Variants in ZNF827 observed in about 807,000 individuals in gnomAD.
ZNF827 encodes the protein zinc finger protein 827.
Under a neutral mutation model 102.4 loss-of-function variants are expected in ZNF827, and 13 were observed. The observed-to-expected ratio is 0.13, with a 90% CI of 0.08 to 0.20. The LOEUF (loss-of-function observed/expected upper bound fraction) is 0.20, where lower values mean the gene tolerates loss of function less well. Among genes scored for constraint, ZNF827 ranks in the 10% least tolerant of loss-of-function variants. The pLI is 1.00. For missense variants in ZNF827, 1,103 were observed against 1,344.4 expected (o/e 0.82, Z 2.81); for synonymous variants, 523 against 536.2 (o/e 0.98, Z 0.34).
Position 145,864,304 on chromosome 4 carries a change from C to G in ZNF827, c.1981+5941G>C, listed in dbSNP as rs147858363. ...TCTGGCCAGGCATAGTAGCTCACAC[C>G]TGTAATCCCAGTACTTTGTGAGTAG... is the stretch of plus-strand genomic sequence containing the variant. On this transcript the variant is annotated intron_variant, in intron 5 of 14. Coordinates refer to ENST00000508784, the MANE Select transcript of ZNF827 (RefSeq NM_001306215.2). 5.9e-3 allele frequency among the ~76,000 whole-genome samples: 892 copies of G among 151,350 alleles called. 8 individuals are homozygous for G. The highest frequency in any genetic ancestry group is 0.019 in the African/African-American group (790 of 41,200).
chr4:145,910,756 C>T (rs1752225476), intron 1 of ZNF827, among the ~76,000 whole-genome samples: 1 of 152,140 alleles, frequency 6.6e-6, no homozygotes, highest in African/African-American at 2.4e-5. Context: ...TAATCATCTC[C>T]TTGTGACCTC....
rs879785477 is a variant in ZNF827 at position 145,763,880 on chromosome 4, C to G, written c.3231-758G>C. On this transcript the variant is annotated intron_variant, in intron 13 of 14. Transcript: ENST00000508784. The surrounding 1 kb of genome is among the most constrained non-coding windows in gnomAD (Gnocchi z 4.6). ...CCCTCCCCCTCCCCCAAGAGTGAAA[C>G]GAAATGGAGTTCAACGGAGGTCCTG... 6.6e-6 allele frequency among the ~76,000 whole-genome samples: 1 copy of G among 151,230 alleles called. No homozygotes were observed. The highest frequency in any genetic ancestry group is 1.5e-5 in the Non-Finnish European group (1 of 67,826).
chr4:145,797,316 C>T (rs1406328752), intron 8 of ZNF827, among the ~76,000 whole-genome samples: 1 of 152,216 alleles, frequency 6.6e-6, no homozygotes, highest in African/African-American at 2.4e-5. Flanking sequence ...TCAGATCTTG[C>T]TCTTAAAGGT....
At chr4:145,847,779 A>G (rs140985208) in intron 6 of ZNF827, among the ~76,000 whole-genome samples, 294 of 152,280 alleles carry the variant, frequency 1.9e-3, no homozygotes, top group African/African-American at 6.5e-3. Flanking sequence ...GCAAATAAAA[A>G]TCTCTTAATC....
rs1366904031 is a variant in ZNF827, at chr4:145,761,080, A to G, written c.*536T>C. On this transcript the variant is annotated 3_prime_UTR_variant, in exon 15 of 15. Transcript: ENST00000508784. This position sits in a 1 kb window ranked among gnomAD's most constrained non-coding sequence, Gnocchi z 6.8. ...AGCCTGGGAGGCAGACATAACTGAC[A>G]GGGGAGACAGGAGATTCCGGGAGCT... 3.1e-5 allele frequency: 40 copies of G among 1,289,410 alleles called. No homozygotes were observed. Among genetic ancestry groups the G allele is most frequent in the Non-Finnish European group, 3.5e-5 (35 of 988,672 alleles). 79.9% of individuals were successfully genotyped at this position (1,289,410 alleles called of 1,614,324 possible). A position where few individuals can be genotyped will look rare whatever the true frequency, so the allele number is the denominator to read the frequency against.
At position 145,903,339 on chromosome 4, in the gene ZNF827, G is replaced by GC. The variant is rs1254398147; in HGVS notation, c.44-125dup. On this transcript the variant is annotated intron_variant, in intron 1 of 14. Coordinates refer to ENST00000508784, the MANE Select transcript of ZNF827 (RefSeq NM_001306215.2). ...CCACCCAAGAACCAAATGAAAGGTG[G>GC]CAACAGCCTTAACAGAATGTCAGAC... 6.2e-6 allele frequency: 9 copies of GC among 1,440,132 alleles called. No homozygotes were observed. The African/African-American group carries it at 1.3e-4, about 21-fold the overall frequency. The allele number at this position is 1,440,132 out of a possible 1,614,324, so 89.2% of individuals were successfully genotyped here. A position where few individuals can be genotyped will look rare whatever the true frequency, so the allele number is the denominator to read the frequency against.
chr4:145,882,915 A>T (rs1749793677), intron 4 of ZNF827, among the ~76,000 whole-genome samples: 1 of 152,168 alleles, frequency 6.6e-6, no homozygotes, highest in South Asian at 2.1e-4. Context: ...ACATTTGATG[A>T]TGGGAAGAGC....
rs1016561603 is a variant in ZNF827, at chr4:145,855,386, C to T, written c.1982-5825G>A. Among the ~76,000 whole-genome samples the T allele has an allele frequency of 2.6e-5, 4 of 152,312 alleles. No individual in the cohort carries two copies. In the East Asian group the frequency reaches 7.7e-4, roughly 29 times the overall value. ...TACAAAGGTCTTGGATGGGCAAACA[C>T]CCTCCACATATGAAATTTGATTCCT... On this transcript the variant is annotated intron_variant, in intron 5 of 14. Coordinates refer to ENST00000508784, the MANE Select transcript of ZNF827 (RefSeq NM_001306215.2).
intron 1 of ZNF827, 115 bp downstream of exon 1, chr4:145,938,244 GTCAGTT>G: frequency 1.6e-6 from 2 of 1,228,104 alleles, no homozygotes; most frequent in Non-Finnish European, 2.4e-6. Context: ...CTGTGTCTTT[GTCAGTT>G]TCACCTCTGT....
chr4:145,769,773 G>A (rs911344785), intron 11 of ZNF827, among the ~76,000 whole-genome samples: 1 of 152,156 alleles, frequency 6.6e-6, no homozygotes, highest in Admixed American at 6.5e-5. Context: ...CACAGGTGAT[G>A]CAACTTCACA....
chr4:145,782,237 C>T (rs897918483), intron 8 of ZNF827, among the ~76,000 whole-genome samples: 2 of 152,214 alleles, frequency 1.3e-5, no homozygotes, highest in African/African-American at 4.8e-5. Context: ...GGAGTCTTAT[C>T]CCAGAACATG....
In ZNF827 at chr4:145,759,447, G is replaced by T. The variant is rs921882581; in HGVS notation, c.*2169C>A. 6.6e-6 allele frequency: 1 copy of T among 152,158 alleles called. No homozygotes were observed. The highest frequency in any genetic ancestry group is 2.4e-5 in the African/African-American group (1 of 41,434). 9.4% of individuals were successfully genotyped at this position (152,158 alleles called of 1,614,324 possible). A position where few individuals can be genotyped will look rare whatever the true frequency, so the allele number is the denominator to read the frequency against. On this transcript the variant is annotated 3_prime_UTR_variant, in exon 15 of 15. Transcript: ENST00000508784. The stretch of plus-strand genomic sequence containing the variant: ...AAGTATAAAGTTAGCCTCCTAGCAG[G>T]TTACATCTACCAGGCGTTAACAAAA...
In ZNF827 at chr4:145,860,667, AAG is replaced by A. The variant is rs367763964; in HGVS notation, c.1981+9576_1981+9577del. On this transcript the variant is annotated intron_variant, in intron 5 of 14. Transcript: ENST00000508784. ...CAGCTGCTATCCCGTAGTTAGAAAAAAGGAAGTAAATCAACTCACAGCACAAA... is the reference window on the plus strand; with the variant it reads ...CAGCTGCTATCCCGTAGTTAGAAAAAGAAGTAAATCAACTCACAGCACAAA... Among the ~76,000 whole-genome samples, 211 of 152,314 alleles carry A rather than the reference AAG, an allele frequency of 1.4e-3. 3 individuals are homozygous for A. In the South Asian group the frequency reaches 0.04, roughly 29 times the overall value.
At position 145,930,852 on chromosome 4, in the gene ZNF827, T is replaced by TGC. The variant is rs1301214580; in HGVS notation, c.43+7511_43+7512dup. Among the ~76,000 whole-genome samples the TGC allele has an allele frequency of 3.2e-3, 492 of 152,184 alleles. 3 individuals carry two copies. Among genetic ancestry groups the TGC allele is most frequent in the African/African-American group, 0.011 (442 of 41,474 alleles). ...CTGTGTGTGTGCGTGTGTGTGTGTGTGCGCGCGCATGTGTGTACATGCAGT... is the reference window on the plus strand; with the variant it reads ...CTGTGTGTGTGCGTGTGTGTGTGTGTGCGCGCGCGCATGTGTGTACATGCAGT... On this transcript the variant is annotated intron_variant, in intron 1 of 14. Transcript: ENST00000508784.
At chr4:145,866,488 G>A (rs888324679) in intron 5 of ZNF827, among the ~76,000 whole-genome samples, 3 of 152,140 alleles carry the variant, frequency 2.0e-5, no homozygotes, top group Non-Finnish European at 4.4e-5. Context: ...CCAGGACTAG[G>A]CAGGAATAAA....
intron 6 of ZNF827, 22 bp downstream of exon 6, chr4:145,849,300 A>AT: frequency 6.2e-7 from 1 of 1,600,308 alleles, no homozygotes; most frequent in Non-Finnish European, 8.6e-7. Context: ...AATAATTGAC[A>AT]TTTTCCTGTG....
chr4:145,910,957 AT>A (rs1752241898), intron 1 of ZNF827, among the ~76,000 whole-genome samples: 1 of 152,220 alleles, frequency 6.6e-6, no homozygotes, highest in Admixed American at 6.5e-5. Context: ...CATCCTCGGC[AT>A]TTAGGTTGGT....
chr4:145,834,969 G>C (rs1321443276), intron 7 of ZNF827: 1 of 152,182 alleles, frequency 6.6e-6, no homozygotes, highest in Non-Finnish European at 1.5e-5. Flanking sequence ...CGCCTGAACC[G>C]CAGCGGCCAG....
intron 9 of ZNF827, among the ~76,000 whole-genome samples, chr4:145,776,319 G>T (rs988872233): frequency 6.6e-6 from 1 of 152,030 alleles, no homozygotes; most frequent in East Asian, 1.9e-4. Context: ...AAATTAGTCA[G>T]GTGTGGTGGC....
Sources: gnomAD v4.1 joint callset for allele counts (sites outside exome capture counted in the v4.1 genomes callset) on GRCh38, gnomAD v4.1.1 for gene constraint, Gnocchi (gnomAD v3.1) non-coding constraint, MANE v1.5 for transcripts, NCBI Gene and HGNC (gene_info 2026-07-23, HGNC 2026-07-21) for gene names.